The following PDZD2 variants were observed in gnomAD, a reference collection of about 807,000 sequenced individuals.
PDZD2 encodes the protein PDZ domain-containing protein 2.
Under a neutral mutation model 220.7 loss-of-function variants are expected in PDZD2, and 90 were observed. The ratio of observed to expected loss-of-function variants is 0.41; its 90% CI spans 0.34 to 0.49. The LOEUF (loss-of-function observed/expected upper bound fraction) is 0.49. Ranked by LOEUF, PDZD2 falls within the 20% of genes least tolerant of loss-of-function variation. The pLI is 0.28. For synonymous variants in PDZD2, 1,375 were observed against 1,450.5 expected, an observed-to-expected ratio of 0.95 and a Z score of 1.18; for missense variants, 3,174 against 3,608.5, an observed-to-expected ratio of 0.88 and a Z score of 3.08.
intron 6 of PDZD2, among the ~76,000 whole-genome samples, chr5:32,016,940 G>T (rs551037193): frequency 6.6e-6 from 1 of 152,304 alleles, no homozygotes; most frequent in Admixed American, 6.5e-5. Context: ...CTCCATGGGG[G>T]CAGGGCCCCT....
chr5:32,062,805 C>T (rs1739813990), intron 14 of PDZD2, among the ~76,000 whole-genome samples: 1 of 152,154 alleles, frequency 6.6e-6, no homozygotes, highest in South Asian at 2.1e-4. Context: ...CTGACCATGA[C>T]ATTTAACGTG....
At chr5:31,938,227 T>C (rs1191392212) in intron 2 of PDZD2, among the ~76,000 whole-genome samples, 11 of 152,236 alleles carry the variant, frequency 7.2e-5, no homozygotes, top group Non-Finnish European at 1.5e-5. Flanking sequence ...CCTTGACCTG[T>C]TGATTTTTTA....
chr5:32,094,455 C>G (rs1241684822), intron 21 of PDZD2, among the ~76,000 whole-genome samples: 1 of 152,056 alleles, frequency 6.6e-6, no homozygotes, highest in Non-Finnish European at 1.5e-5. Context: ...TCCAGAAATT[C>G]AAATATAGAG....
intron 1 of PDZD2, among the ~76,000 whole-genome samples, chr5:31,647,802 A>G (rs1029132544): frequency 6.6e-6 from 1 of 152,220 alleles, no homozygotes; most frequent in Non-Finnish European, 1.5e-5. Flanking sequence ...GCTACTATTC[A>G]ACACAGTACA....
intron 1 of PDZD2, among the ~76,000 whole-genome samples, chr5:31,704,250 C>T (rs1747723898): frequency 6.6e-6 from 1 of 152,150 alleles, no homozygotes; most frequent in Non-Finnish European, 1.5e-5. Flanking sequence ...TGGGCTCAAG[C>T]GATCTGCCAA....
chr5:31,653,323 C>G (rs192155599), intron 1 of PDZD2, among the ~76,000 whole-genome samples: 1 of 152,132 alleles, frequency 6.6e-6, no homozygotes, highest in Non-Finnish European at 1.5e-5. Flanking sequence ...ACTCAAGTAC[C>G]TAGTGCAGTG....
chr5:31,681,471 C>T (rs1746647442), intron 1 of PDZD2, among the ~76,000 whole-genome samples: 1 of 152,124 alleles, frequency 6.6e-6, no homozygotes, highest in Non-Finnish European at 1.5e-5. Context: ...TGGTCTTGAA[C>T]TCCTGACCTC....
At chr5:31,709,395 G>T (rs1345366352) in intron 1 of PDZD2, among the ~76,000 whole-genome samples, 1 of 152,038 alleles carries the variant, frequency 6.6e-6, no homozygotes, top group Non-Finnish European at 1.5e-5. Context: ...GCTGAGGCAG[G>T]AGGATAGTTT....
At chr5:31,900,102 G>A (rs1308893919) in intron 2 of PDZD2, among the ~76,000 whole-genome samples, 3 of 152,192 alleles carry the variant, frequency 2.0e-5, no homozygotes, top group South Asian at 2.1e-4. Context: ...AGCAAATGAC[G>A]TAGTGAACGG....
At chr5:32,079,623 A>G (rs959527063) in intron 19 of PDZD2, among the ~76,000 whole-genome samples, 6 of 152,028 alleles carry the variant, frequency 3.9e-5, no homozygotes, top group African/African-American at 9.7e-5. Flanking sequence ...CCTGGCCAAC[A>G]TGGTGAAACC....
chr5:31,728,275 A>G (rs1749301038), intron 1 of PDZD2, among the ~76,000 whole-genome samples: 1 of 151,980 alleles, frequency 6.6e-6, no homozygotes, highest in Non-Finnish European at 1.5e-5. Context: ...GTCTCCAGAT[A>G]TTGCCAAATG....
At chr5:31,831,748 G>GAA (rs765597222) in intron 2 of PDZD2, among the ~76,000 whole-genome samples, 2 of 106,322 alleles carry the variant, frequency 1.9e-5, no homozygotes, top group Admixed American at 1.0e-4. Context: ...CTCCATCTCA[G>GAA]AAAAAAAAAA....
chr5:31,703,945 CTT>C (rs1439198358), intron 1 of PDZD2, among the ~76,000 whole-genome samples: 1 of 127,264 alleles, frequency 7.9e-6, no homozygotes, highest in Non-Finnish European at 1.8e-5. Context: ...CTCTCTCTCT[CTT>C]TCTCTCTCTT....
chr5:32,035,225 TCTAA>T (rs1189115025), intron 6 of PDZD2, among the ~76,000 whole-genome samples: 1 of 152,144 alleles, frequency 6.6e-6, no homozygotes, highest in Non-Finnish European at 1.5e-5. Flanking sequence ...ACGTAATTAC[TCTAA>T]CTGCTTACTT....
chr5:32,078,810 A>G (rs939038041), intron 19 of PDZD2, among the ~76,000 whole-genome samples: 5 of 71,294 alleles, frequency 7.0e-5, no homozygotes, highest in South Asian at 6.8e-4. Flanking sequence ...ATCTCTGGGA[A>G]AAAAAAAAAA....
In PDZD2 at chr5:32,013,750, C is replaced by T. The variant is rs1286154111; in HGVS notation, c.1407+3268C>T. Among the ~76,000 whole-genome samples, 3 of 152,200 alleles carry T rather than the reference C, an allele frequency of 2.0e-5. No individual in the cohort carries two copies. The East Asian group carries it at 5.8e-4, about 29-fold the overall frequency. On this transcript the variant is annotated intron_variant, in intron 6 of 24. Coordinates refer to ENST00000438447, the MANE Select transcript of PDZD2 (RefSeq NM_178140.4). The stretch of plus-strand genomic sequence containing the variant: ...TGATCCTACTTTGACAATTCTCCTT[C>T]CCTTGTGCACCAGACGGGACACCAC...
intron 12 of PDZD2, 78 bp from the exon 13 acceptor site, chr5:32,059,161 G>A: frequency 2.7e-6 from 2 of 753,166 alleles, no homozygotes; most frequent in South Asian, 1.6e-5. Flanking sequence ...TATTAATTCT[G>A]TTTCAAATCA....
rs370454366 is a variant in PDZD2, at chr5:32,108,119, A to G, written c.8504A>G (p.His2835Arg). 2.0e-5 allele frequency: 32 copies of G among 1,593,712 alleles called. No individual in the cohort carries two copies. Among genetic ancestry groups the G allele is most frequent in the African/African-American group, 4.1e-5 (3 of 74,064 alleles). The stretch of plus-strand genomic sequence containing the variant: ...CCTGTGCAGTTATTAATTAGAAAGC[A>G]TAGGAATTCTTCATGAATTTTAACA... Reference protein sequence around the residue: ...EGPVQLLIRKHRNSS With the variant: ...EGPVQLLIRKRRNSS The change falls in exon 25 of 25, where the codon CAT becomes CGT. Residue 2835 changes from histidine to arginine, a missense_variant. This residue lies in a region of PDZD2 where 631 missense variants were observed against 789.9 expected (regional missense o/e 0.80). Transcript: ENST00000438447.
At chr5:31,931,031 T>C (rs952230042) in intron 2 of PDZD2, among the ~76,000 whole-genome samples, 1 of 151,914 alleles carries the variant, frequency 6.6e-6, no homozygotes, top group African/African-American at 2.4e-5. Flanking sequence ...CATAATGGGA[T>C]TGTTTATTTG....
Sources: gnomAD v4.1 joint callset for allele counts (sites outside exome capture counted in the v4.1 genomes callset) on GRCh38, gnomAD v4.1.1 for gene constraint, gnomAD v4.1.1 regional missense constraint, MANE v1.5 for transcripts, NCBI Gene and HGNC (gene_info 2026-07-23, HGNC 2026-07-21) for gene names.